The following ZFAND3 variants were observed in gnomAD, a reference collection of about 807,000 sequenced individuals.
ZFAND3 encodes zinc finger AN1-type containing 3, also known as AN1-type zinc finger protein 3.
Under a neutral mutation model 29.6 loss-of-function variants are expected in ZFAND3, and 10 were observed. The observed-to-expected ratio is 0.34, with a 90% CI of 0.21 to 0.57. ZFAND3 has a LOEUF of 0.57. Among genes scored for constraint, ZFAND3 ranks in the 20% least tolerant of loss-of-function variants. The probability of loss-of-function intolerance (pLI) is 0.86; values close to 1 mark genes in which losing one functional copy is unlikely to be tolerated. For missense variants in ZFAND3, 230 were observed against 304.5 expected, an observed-to-expected ratio of 0.76 and a Z score of 1.82; for synonymous variants, 128 against 112.6, an observed-to-expected ratio of 1.14 and a Z score of -0.87.
intron 1 of ZFAND3, among the ~76,000 whole-genome samples, chr6:37,911,932 T>C (rs1765527769): frequency 6.6e-6 from 1 of 152,110 alleles, no homozygotes; most frequent in African/African-American, 2.4e-5. Context: ...GAAAACTTAA[T>C]GCTGCTTTCT....
intron 2 of ZFAND3, among the ~76,000 whole-genome samples, chr6:37,974,383 A>ACTCT (rs58472302): frequency 1.9e-5 from 2 of 104,482 alleles, no homozygotes; most frequent in South Asian, 3.3e-4. Flanking sequence ...TGCATTATAT[A>ACTCT]CTCTCTCTCT....
At chr6:37,938,227 G>T (rs554158412) in intron 2 of ZFAND3, among the ~76,000 whole-genome samples, 1 of 152,060 alleles carries the variant, frequency 6.6e-6, no homozygotes, top group African/African-American at 2.4e-5. Context: ...ATGTTGACAC[G>T]TTGCTCTTGT....
intron 1 of ZFAND3, among the ~76,000 whole-genome samples, chr6:37,844,121 T>G (rs1300435031): frequency 6.6e-6 from 1 of 151,996 alleles, no homozygotes; most frequent in Non-Finnish European, 1.5e-5. Context: ...GACAGGGTTT[T>G]GCCAGTTGCC....
intron 2 of ZFAND3, among the ~76,000 whole-genome samples, chr6:37,934,215 C>G (rs994059197): frequency 4.6e-5 from 7 of 151,262 alleles, no homozygotes; most frequent in African/African-American, 1.5e-4. Flanking sequence ...CGGAATCTGG[C>G]TCTGTAGCCC....
At chr6:37,974,971 GAT>G (rs1374018889) in intron 2 of ZFAND3, among the ~76,000 whole-genome samples, 3 of 152,100 alleles carry the variant, frequency 2.0e-5, no homozygotes, top group African/African-American at 7.2e-5. Flanking sequence ...TCTTTATATG[GAT>G]GTATATTCCT....
At chr6:37,985,499 CCACA>C (rs5875607) in intron 2 of ZFAND3, among the ~76,000 whole-genome samples, 8,065 of 141,662 alleles carry the variant, frequency 0.057, 257 homozygotes, top group Non-Finnish European at 0.077. Context: ...GCTTGTGGTT[CCACA>C]CACACACACA....
At chr6:37,930,164 A>G (rs915438154) in intron 2 of ZFAND3, among the ~76,000 whole-genome samples, 165 bp downstream of exon 2, 1 of 151,428 alleles carries the variant, frequency 6.6e-6, no homozygotes, top group Non-Finnish European at 1.5e-5. Context: ...GGTGCTTCAT[A>G]TATTTGCCTA....
At chr6:38,096,216 A>G (rs1375783601) in intron 4 of ZFAND3, among the ~76,000 whole-genome samples, 1 of 145,838 alleles carries the variant, frequency 6.9e-6, no homozygotes, top group Non-Finnish European at 1.5e-5. Flanking sequence ...TGTGTCACTC[A>G]GGCTGGAGTG....
chr6:37,855,427 C>A (rs975488126), intron 1 of ZFAND3, among the ~76,000 whole-genome samples: 1 of 151,784 alleles, frequency 6.6e-6, no homozygotes, highest in Non-Finnish European at 1.5e-5. Flanking sequence ...GCTGGGATTA[C>A]AAGCATGAGC....
At position 37,921,263 on chromosome 6, in the gene ZFAND3, G is replaced by A. The variant is rs541849148; in HGVS notation, c.72-8696G>A. 2.6e-4 allele frequency among the ~76,000 whole-genome samples: 39 copies of A among 152,236 alleles called. 1 individual carries two copies. The South Asian group carries it at 8.1e-3, about 32-fold the overall frequency. On this transcript the variant is annotated intron_variant, in intron 1 of 5. Transcript: ENST00000287218. ...AGATTGACTCCCTTCACTGAAGAAG[G>A]AACTTTCTTTGTAGTCTAGATTTTT...
intron 2 of ZFAND3, among the ~76,000 whole-genome samples, chr6:37,967,406 C>G (rs1017963530): frequency 6.6e-6 from 1 of 152,194 alleles, no homozygotes; most frequent in Non-Finnish European, 1.5e-5. Context: ...TCACCTTGTA[C>G]TTTCTGCATC....
intron 2 of ZFAND3, among the ~76,000 whole-genome samples, chr6:37,934,734 G>A (rs769325100): frequency 2.5e-4 from 38 of 151,036 alleles, no homozygotes; most frequent in Non-Finnish European, 5.5e-4. Flanking sequence ...AGCTACTCGG[G>A]AGGCTGAGGC....
chr6:38,107,027 G>T (rs1041852670), intron 4 of ZFAND3, among the ~76,000 whole-genome samples: 1 of 151,928 alleles, frequency 6.6e-6, no homozygotes, highest in African/African-American at 2.4e-5. Flanking sequence ...TTTAAAATAA[G>T]AATTTTAGAG....
intron 5 of ZFAND3, among the ~76,000 whole-genome samples, chr6:38,124,391 G>T (rs1272168334): frequency 6.6e-6 from 1 of 152,226 alleles, no homozygotes; most frequent in Non-Finnish European, 1.5e-5. Flanking sequence ...GGCGCTCCTA[G>T]GGGAGGCTCG....
At chr6:37,919,463 C>A (rs1761331868) in intron 1 of ZFAND3, among the ~76,000 whole-genome samples, 1 of 152,110 alleles carries the variant, frequency 6.6e-6, no homozygotes, top group Non-Finnish European at 1.5e-5. Flanking sequence ...TTAATATTTA[C>A]CAAGCCGTTT....
chr6:37,938,619 C>CT (rs1761746961), intron 2 of ZFAND3, among the ~76,000 whole-genome samples: 1 of 152,170 alleles, frequency 6.6e-6, no homozygotes, highest in South Asian at 2.1e-4. Context: ...GCAACAGTTC[C>CT]TTAACGGATT....
chr6:37,900,858 T>C (rs2127400706), intron 1 of ZFAND3, among the ~76,000 whole-genome samples: 1 of 152,200 alleles, frequency 6.6e-6, no homozygotes, highest in Admixed American at 6.5e-5. Context: ...AAATAAAGCA[T>C]GCAGGCAGAA....
At chr6:38,124,808 A>C (rs1765603718) in intron 5 of ZFAND3, among the ~76,000 whole-genome samples, 1 of 152,220 alleles carries the variant, frequency 6.6e-6, no homozygotes, top group South Asian at 2.1e-4. Context: ...GCATGGCCAG[A>C]GCGGACGCTG....
intron 4 of ZFAND3, among the ~76,000 whole-genome samples, chr6:38,090,518 G>A (rs936444083): frequency 2.0e-5 from 3 of 152,144 alleles, no homozygotes; most frequent in South Asian, 4.1e-4. Flanking sequence ...TATTTGGCAA[G>A]ATTGCAAAAA....
Sources: gnomAD v4.1 joint callset for allele counts (sites outside exome capture counted in the v4.1 genomes callset) on GRCh38, gnomAD v4.1.1 for gene constraint, MANE v1.5 for transcripts, NCBI Gene and HGNC (gene_info 2026-07-23, HGNC 2026-07-21) for gene names.